DST: variants seen among roughly 807,000 people sequenced by gnomAD.
DST encodes the protein bullous pemphigoid antigen.
In DST, 253 loss-of-function variants were observed where a neutral mutation model predicts 875.2. The observed-to-expected ratio is 0.29, with a 90% confidence interval of 0.26 to 0.32. DST has a LOEUF of 0.32. Ranked by LOEUF, DST falls within the 10% of genes least tolerant of loss-of-function variation. The pLI, the probability that DST is intolerant of heterozygous loss-of-function variation, is 1.00. For synonymous variants in DST, 3,124 were observed against 3,197.1 expected (o/e 0.98, Z 0.77); for missense variants, 8,287 against 9,111.6 (o/e 0.91, Z 3.68).
chr6:56,879,363 C>G (rs751304698), intron 3 of DST, among the ~76,000 whole-genome samples: 2 of 151,850 alleles, frequency 1.3e-5, no homozygotes, highest in Non-Finnish European at 2.9e-5. Flanking sequence ...CCCAGCTACT[C>G]AGGAGGCTGA....
chr6:56,676,728 A>G (rs2099132260), intron 9 of DST, among the ~76,000 whole-genome samples: 2 of 152,094 alleles, frequency 1.3e-5, no homozygotes, highest in South Asian at 4.1e-4. Context: ...GTAGTTATTA[A>G]CAACAACATG....
intron 4 of DST, among the ~76,000 whole-genome samples, chr6:56,790,145 G>A (rs1318400429): frequency 2.0e-5 from 3 of 152,010 alleles, no homozygotes; most frequent in East Asian, 1.9e-4. Context: ...TGACACTGGG[G>A]ACTTTCCCAT....
intron 3 of DST, among the ~76,000 whole-genome samples, chr6:56,885,929 G>A (rs1197513813): frequency 1.3e-5 from 2 of 152,240 alleles, no homozygotes; most frequent in African/African-American, 4.8e-5. Context: ...AAGGGTCAAT[G>A]TAGATTAGCC....
At chr6:56,954,331 G>A (rs1490621627) in intron 1 of DST, 76 bp downstream of exon 1, 3 of 1,157,652 alleles carry the variant, frequency 2.6e-6, no homozygotes, top group Non-Finnish European at 3.4e-6. Context: ...GGAGAAGGGA[G>A]CGAGCCGCGC....
At position 56,471,287 on chromosome 6, in the gene DST, T is replaced by C. The variant is rs2094877651; in HGVS notation, c.22159-19A>G. The stretch of plus-strand genomic sequence containing the variant: ...CCCTCAGCTAAAAGGACAAAAAGTA[T>C]TTTGATTGAGTTAATGCTGTACTAA... On this transcript the variant is annotated intron_variant, in intron 94 of 103. Coordinates refer to ENST00000680361, the MANE Select transcript of DST (RefSeq NM_001374736.1). The C allele has an allele frequency of 6.4e-7, 1 of 1,557,826 alleles. No individual in the cohort carries two copies. The highest frequency in any genetic ancestry group is 8.7e-7 in the Non-Finnish European group (1 of 1,149,150).
At chr6:56,688,887 AGAGAG>A (rs1279602615) in intron 9 of DST, among the ~76,000 whole-genome samples, 6 of 152,236 alleles carry the variant, frequency 3.9e-5, no homozygotes, top group African/African-American at 1.4e-4. Flanking sequence ...AGAGGGAAAG[AGAGAG>A]GAGTAATAAC....
chr6:56,709,691 C>T (rs1244339972), intron 5 of DST, among the ~76,000 whole-genome samples: 6 of 152,090 alleles, frequency 3.9e-5, no homozygotes, highest in Non-Finnish European at 8.8e-5. Flanking sequence ...TCTATGGGTA[C>T]AAAGATGAAT....
chr6:56,649,571 T>C lies in DST; in HGVS notation c.1435-882A>G, dbSNP rs377077271. 3.4e-5 allele frequency among the ~76,000 whole-genome samples: 5 copies of C among 148,276 alleles called. No individual in the cohort carries two copies. In the South Asian group the frequency reaches 6.7e-4, roughly 20 times the overall value. On this transcript the variant is annotated intron_variant, in intron 12 of 103. Transcript: ENST00000680361. ...TTCTGCAATGACCAGTAAGTAATTATTGATGGGGGGAGGTGAGTGGGGGTG... is the reference window on the plus strand; with the variant it reads ...TTCTGCAATGACCAGTAAGTAATTACTGATGGGGGGAGGTGAGTGGGGGTG...
intron 47 of DST, 21 bp from the exon 48 acceptor site, chr6:56,594,214 C>G: frequency 1.3e-6 from 2 of 1,502,822 alleles, no homozygotes; most frequent in South Asian, 2.8e-5. Context: ...ACAAATTGAT[C>G]ATAATCTTCA....
In DST at chr6:56,459,258, T is replaced by G; in HGVS notation, c.23204A>C (p.Lys7735Thr). The G allele has an allele frequency of 2.5e-6, 4 of 1,612,178 alleles. No individual in the cohort carries two copies. The highest frequency in any genetic ancestry group is 3.4e-6 in the Non-Finnish European group (4 of 1,178,972). The change falls in exon 104 of 104, where the codon AAG becomes ACG. Residue 7735 changes from lysine to threonine, a missense_variant. Transcript: ENST00000680361. ...TCGACTTCCTGGTCGGCTGGGAGTC[T>G]TCTTGGAATCTGAGGAAAGAAGGTA... is the stretch of plus-strand genomic sequence containing the variant. Reference protein sequence around the residue: ...RVRTQFADSKKTPSRPGSRAG... With the variant: ...RVRTQFADSKTTPSRPGSRAG...
chr6:56,560,541 T>C, intron 57 of DST, 118 bp from the exon 58 acceptor site: 1 of 1,109,926 alleles, frequency 9.0e-7, no homozygotes, highest in South Asian at 1.7e-5. Context: ...CTGTTAAATG[T>C]TGTGGTGGGT....
chr6:56,492,483 ATC>A (rs2095782778), intron 84 of DST, 50 bp from the exon 85 acceptor site: 1 of 1,536,882 alleles, frequency 6.5e-7, no homozygotes, highest in African/African-American at 1.4e-5. Flanking sequence ...AATCAGATCA[ATC>A]TTAAAAATGC....
chr6:56,813,133 A>G (rs1590990066), intron 4 of DST, among the ~76,000 whole-genome samples: 3 of 150,758 alleles, frequency 2.0e-5, no homozygotes, highest in East Asian at 3.9e-4. Flanking sequence ...CTATCTCAAG[A>G]ACAAAAAACC....
intron 69 of DST, 142 bp from the exon 70 acceptor site, chr6:56,517,762 G>T: frequency 1.0e-6 from 1 of 976,186 alleles, no homozygotes; most frequent in Non-Finnish European, 1.5e-6. Flanking sequence ...AATAATTCGT[G>T]ATAATGACTA....
Position 56,492,495 on chromosome 6 carries a change from C to T in DST, c.20551-62G>A, listed in dbSNP as rs952994150. ...GAAAATCAGATCAATCTTAAAAATG[C>T]TTCTGGTGTCATAAACCTGAAATTA... On this transcript the variant is annotated intron_variant, in intron 84 of 103. Coordinates refer to ENST00000680361, the MANE Select transcript of DST (RefSeq NM_001374736.1). The T allele has an allele frequency of 5.4e-6, 8 of 1,471,918 alleles. No individual in the cohort carries two copies. In the Admixed American group the frequency reaches 1.4e-4, roughly 25 times the overall value. 91.2% of individuals were successfully genotyped at this position (1,471,918 alleles called of 1,614,324 possible).
rs571796812 is a variant in DST, at chr6:56,528,863, T to C, written c.17658A>G (p.Leu5886=). The stretch of plus-strand genomic sequence containing the variant: ...CACCTGTGGTTTGTTTAAGTAGTTC[T>C]AAACCATTTAGTAAAGCCTGATCTA... ...QNVDQALLNG[L]ELLKQTTGDE... Residue 5886 remains leucine (L), a synonymous_variant, in exon 67 of 104, where the codon TTA becomes TTG. Transcript: ENST00000680361. The C allele has an allele frequency of 5.1e-6, 8 of 1,583,760 alleles. No homozygotes were observed. In the Admixed American group the frequency reaches 1.3e-4, roughly 25 times the overall value.
chr6:56,718,392 A>G (rs2099402371), intron 5 of DST, among the ~76,000 whole-genome samples: 1 of 152,222 alleles, frequency 6.6e-6, no homozygotes, highest in South Asian at 2.1e-4. Flanking sequence ...GGATTGCTAA[A>G]ATCAAAGACA....
chr6:56,843,082 A>G, intron 4 of DST: 1 of 1,558,540 alleles, frequency 6.4e-7, no homozygotes, highest in Non-Finnish European at 8.7e-7. Context: ...ACATCCTCGT[A>G]GGCCTGGAGA....
intron 4 of DST, among the ~76,000 whole-genome samples, chr6:56,780,036 C>T (rs2099689423): frequency 6.6e-6 from 1 of 151,486 alleles, no homozygotes; most frequent in South Asian, 2.1e-4. Flanking sequence ...TCATCCATGT[C>T]CCTACAAAGG....
Sources: gnomAD v4.1 joint callset for allele counts (sites outside exome capture counted in the v4.1 genomes callset) on GRCh38, gnomAD v4.1.1 for gene constraint, MANE v1.5 for transcripts, NCBI Gene and HGNC (gene_info 2026-07-23, HGNC 2026-07-21) for gene names.